RBFOX3: variants seen among roughly 807,000 people sequenced by gnomAD.
RBFOX3 encodes RNA binding fox-1 homolog 3.
A neutral mutation model predicts 48.7 loss-of-function variants in RBFOX3; 17 were observed. That is an observed-to-expected ratio of 0.35 (90% CI 0.24 to 0.52). The LOEUF is 0.52. Among genes scored for constraint, RBFOX3 ranks in the 20% least tolerant of loss-of-function variants. The probability of loss-of-function intolerance (pLI) is 0.94; values close to 1 mark genes in which losing one functional copy is unlikely to be tolerated. For synonymous variants in RBFOX3, 212 were observed against 209.5 expected, an observed-to-expected ratio of 1.01 and a Z score of -0.10; for missense variants, 382 against 497.5, an observed-to-expected ratio of 0.77 and a Z score of 2.21.
chr17:79,428,529 C>T (rs1203446090), intron 2 of RBFOX3, among the ~76,000 whole-genome samples: 1 of 152,242 alleles, frequency 6.6e-6, no homozygotes, highest in Non-Finnish European at 1.5e-5. Flanking sequence ...TCACCACAGC[C>T]ATGCCAACCC....
chr17:79,202,965 C>T (rs958506294), intron 4 of RBFOX3, among the ~76,000 whole-genome samples: 6 of 152,154 alleles, frequency 3.9e-5, no homozygotes, highest in Admixed American at 1.3e-4. Context: ...CTCAGTAACG[C>T]ACCCTTGGAT....
intron 1 of RBFOX3, among the ~76,000 whole-genome samples, chr17:79,580,542 TGA>T (rs1295277108): frequency 7.3e-4 from 111 of 152,232 alleles, no homozygotes; most frequent in African/African-American, 2.6e-3. Flanking sequence ...TGCCAGAGGC[TGA>T]GAGACGACTT....
chr17:79,664,471 C>T, the RBFOX3 span, among the ~76,000 whole-genome samples: 1 of 152,248 alleles, frequency 6.6e-6, no homozygotes, highest in East Asian at 1.9e-4. Flanking sequence ...CTCAGGCTCC[C>T]GAGTAGCTGG....
chr17:79,253,137 C>G (rs566519935), intron 3 of RBFOX3, among the ~76,000 whole-genome samples: 4 of 152,148 alleles, frequency 2.6e-5, no homozygotes, highest in African/African-American at 9.7e-5. Context: ...TGGCGGCCGA[C>G]AGACACCGCA....
chr17:79,105,520 G>A (rs555481226), intron 6 of RBFOX3, among the ~76,000 whole-genome samples: 1 of 152,196 alleles, frequency 6.6e-6, no homozygotes, highest in Admixed American at 6.5e-5. Flanking sequence ...CAGAGTCCTT[G>A]CCATCTGATG....
intron 2 of RBFOX3, among the ~76,000 whole-genome samples, chr17:79,400,295 A>G (rs1338261248): frequency 1.3e-5 from 2 of 152,076 alleles, no homozygotes; most frequent in Admixed American, 6.5e-5. Context: ...ATTCTTCCTC[A>G]TGGCTTCTTA....
chr17:79,261,341 C>T (rs1340206649), intron 3 of RBFOX3, among the ~76,000 whole-genome samples: 1 of 152,222 alleles, frequency 6.6e-6, no homozygotes, highest in Non-Finnish European at 1.5e-5. Flanking sequence ...ACGAGCACCC[C>T]GAAGCCACAT....
chr17:79,436,283 G>A (rs1412301367), intron 2 of RBFOX3, among the ~76,000 whole-genome samples: 1 of 152,260 alleles, frequency 6.6e-6, no homozygotes, highest in Non-Finnish European at 1.5e-5. Context: ...GCAGTGCTGG[G>A]TAACAGACCA....
At chr17:79,458,346 C>T (rs2074873135) in intron 2 of RBFOX3, among the ~76,000 whole-genome samples, 2 of 152,218 alleles carry the variant, frequency 1.3e-5, no homozygotes, top group Admixed American at 1.3e-4. Flanking sequence ...CAGCTCCCCG[C>T]AATGTTGACG....
chr17:79,384,333 T>C (rs1190855326), intron 2 of RBFOX3, among the ~76,000 whole-genome samples: 4 of 152,054 alleles, frequency 2.6e-5, no homozygotes, highest in African/African-American at 9.7e-5. Context: ...GGGGGAGAAG[T>C]CCACCCACAG....
chr17:79,380,496 C>A (rs2059769664), intron 2 of RBFOX3, among the ~76,000 whole-genome samples: 1 of 151,722 alleles, frequency 6.6e-6, no homozygotes, highest in Non-Finnish European at 1.5e-5. Flanking sequence ...GAGGGCTGCA[C>A]AACCCCTGGG....
At chr17:79,438,139 C>G (rs2069983029) in intron 2 of RBFOX3, among the ~76,000 whole-genome samples, 1 of 152,140 alleles carries the variant, frequency 6.6e-6, no homozygotes, top group African/African-American at 2.4e-5. Flanking sequence ...CACCAGGGCT[C>G]TAAATGCAGC....
At chr17:79,647,368 C>T in the RBFOX3 span, among the ~76,000 whole-genome samples, 2 of 152,164 alleles carry the variant, frequency 1.3e-5, no homozygotes, top group African/African-American at 4.8e-5. Flanking sequence ...TGCCTCAACG[C>T]AGTGCGAGGT....
At chr17:79,486,027 C>T (rs1286433932) in intron 1 of RBFOX3, among the ~76,000 whole-genome samples, 3 of 152,278 alleles carry the variant, frequency 2.0e-5, no homozygotes, top group Non-Finnish European at 2.9e-5. Flanking sequence ...CTGTACCCCA[C>T]GCCCCACCCC....
In RBFOX3 at chr17:79,137,237, G is replaced by GCACACACA. The variant is rs4012813; in HGVS notation, c.-33-21497_-33-21490dup. 3.8e-3 allele frequency among the ~76,000 whole-genome samples: 569 copies of GCACACACA among 150,380 alleles called. 2 individuals carry two copies. The highest frequency in any genetic ancestry group is 6.5e-3 in the Non-Finnish European group (439 of 67,480). ...ATGTGCTCACACAGACCCTCTTCATGCACACACACACACACACACAGCCCT... is the reference window on the plus strand; with the variant it reads ...ATGTGCTCACACAGACCCTCTTCATGCACACACACACACACACACACACACACAGCCCT... On this transcript the variant is annotated intron_variant, in intron 4 of 14. Coordinates refer to ENST00000693108, the MANE Select transcript of RBFOX3 (RefSeq NM_001350451.2).
chr17:79,616,471 G>T, the RBFOX3 span, among the ~76,000 whole-genome samples: 13 of 151,568 alleles, frequency 8.6e-5, no homozygotes, highest in Admixed American at 7.2e-4. Flanking sequence ...GGGAGGTGGA[G>T]ATTGCAGTGA....
intron 3 of RBFOX3, among the ~76,000 whole-genome samples, chr17:79,288,764 T>C (rs1026279399): frequency 1.5e-4 from 23 of 151,030 alleles, no homozygotes; most frequent in African/African-American, 5.6e-4. Context: ...ACGTTTCATG[T>C]CCCCCAAAAT....
Position 79,477,188 on chromosome 17 carries a change from G to C in RBFOX3, c.-175+5266C>G, listed in dbSNP as rs547404918. 1.7e-4 allele frequency among the ~76,000 whole-genome samples: 25 copies of C among 148,556 alleles called. No homozygotes were observed. In the South Asian group the frequency reaches 4.5e-3, roughly 27 times the overall value. On this transcript the variant is annotated intron_variant, in intron 2 of 14. Transcript: ENST00000693108. The surrounding 1 kb of genome is among the most constrained non-coding windows in gnomAD (Gnocchi z 4.8). ...GTAGAGGTTGCAGTGAGCTGAGATC[G>C]CGCCACTGCACTCCAGCCTGGGTGA...
intron 1 of RBFOX3, among the ~76,000 whole-genome samples, chr17:79,556,113 G>A (rs1247223551): frequency 1.1e-4 from 16 of 152,226 alleles, no homozygotes; most frequent in Admixed American, 5.2e-4. Flanking sequence ...CTTTACAGAC[G>A]GGGAAGCAAA....
Sources: gnomAD v4.1 joint callset for allele counts (sites outside exome capture counted in the v4.1 genomes callset) on GRCh38, gnomAD v4.1.1 for gene constraint, Gnocchi (gnomAD v3.1) non-coding constraint, MANE v1.5 for transcripts, NCBI Gene and HGNC (gene_info 2026-07-23, HGNC 2026-07-21) for gene names.